NTNG2: variants seen among roughly 807,000 people sequenced by gnomAD.
The protein encoded by NTNG2 is netrin-G2.
Under a neutral mutation model 47.6 loss-of-function variants are expected in NTNG2, and 15 were observed. The observed-to-expected ratio is 0.32, with a 90% CI of 0.21 to 0.49. The LOEUF (loss-of-function observed/expected upper bound fraction) is 0.49, where lower values mean the gene tolerates loss of function less well. Among genes scored for constraint, NTNG2 ranks in the 20% least tolerant of loss-of-function variants. The pLI is 0.99. For synonymous variants in NTNG2, 307 were observed against 324.6 expected, an observed-to-expected ratio of 0.95 and a Z score of 0.58; for missense variants, 578 against 764.6, an observed-to-expected ratio of 0.76 and a Z score of 2.88.
intron 2 of NTNG2, among the ~76,000 whole-genome samples, chr9:132,173,242 G>A (rs1414557463): frequency 2.0e-5 from 3 of 152,340 alleles, no homozygotes; most frequent in African/African-American, 4.8e-5. Context: ...TGAAATGCCC[G>A]AGGCAGGGCC....
rs914965302 is a variant in NTNG2 at position 132,243,493 on chromosome 9, T to C, written c.*1382T>C. 2 of 152,230 alleles carry C rather than the reference T, an allele frequency of 1.3e-5. No individual in the cohort carries two copies. Among genetic ancestry groups the C allele is most frequent in the Non-Finnish European group, 2.9e-5 (2 of 68,142 alleles). The allele number at this position is 152,230 out of a possible 1,614,324, so 9.4% of individuals were successfully genotyped here. A position where few individuals can be genotyped will look rare whatever the true frequency, so the allele number is the denominator to read the frequency against. ...CCTCTGATTCAGAGGATCCAGCAGT[T>C]CTCCCATCTCCGCTTGGTGTCTCCA... On this transcript the variant is annotated 3_prime_UTR_variant, in exon 8 of 8. Coordinates refer to ENST00000393229, the MANE Select transcript of NTNG2 (RefSeq NM_032536.4).
chr9:132,200,779 T>C (rs1838687250), intron 3 of NTNG2, among the ~76,000 whole-genome samples: 1 of 152,206 alleles, frequency 6.6e-6, no homozygotes, highest in African/African-American at 2.4e-5. Context: ...CCGTGATCTC[T>C]AACCCACCTC....
Position 132,228,755 on chromosome 9 carries a change from G to T in NTNG2, c.1030+1734G>T, listed in dbSNP as rs533321200. Among the ~76,000 whole-genome samples the T allele has an allele frequency of 3.9e-5, 6 of 152,160 alleles. No homozygotes were observed. In the South Asian group the frequency reaches 1.2e-3, roughly 32 times the overall value. ...GTGTTTTTTTCAGAGAAAAGGTTTTGCCATGTTGCCCAGGCTGGTCTCGAG... is the reference window on the plus strand; with the variant it reads ...GTGTTTTTTTCAGAGAAAAGGTTTTTCCATGTTGCCCAGGCTGGTCTCGAG... On this transcript the variant is annotated intron_variant, in intron 4 of 7. Coordinates refer to ENST00000393229, the MANE Select transcript of NTNG2 (RefSeq NM_032536.4).
chr9:132,173,707 CA>C (rs1280404561), intron 2 of NTNG2, among the ~76,000 whole-genome samples: 2 of 151,548 alleles, frequency 1.3e-5, no homozygotes, highest in Non-Finnish European at 2.9e-5. Context: ...GATGGATGGA[CA>C]GACGGACAGA....
At chr9:132,204,094 C>T (rs1338313472) in intron 3 of NTNG2, among the ~76,000 whole-genome samples, 3 of 152,184 alleles carry the variant, frequency 2.0e-5, no homozygotes, top group Non-Finnish European at 4.4e-5. Flanking sequence ...CCATGGGTTA[C>T]GTGCCAGGCA....
At chr9:132,214,444 G>A (rs556782923) in intron 3 of NTNG2, among the ~76,000 whole-genome samples, 116 of 152,314 alleles carry the variant, frequency 7.6e-4, no homozygotes, top group African/African-American at 2.6e-3. Context: ...GGCCTGCCAC[G>A]TTTCCCAGAG....
At chr9:132,212,117 C>G (rs1839633889) in intron 3 of NTNG2, among the ~76,000 whole-genome samples, 1 of 152,210 alleles carries the variant, frequency 6.6e-6, no homozygotes, top group Admixed American at 6.5e-5. Context: ...ACCATCACAC[C>G]CTGCTCCTTC....
rs927264414 is a variant in NTNG2 at position 132,198,386 on chromosome 9, C to T, written c.634C>T (p.Arg212Cys). ...AGGCTCCAAGAAGGAGAAGCACGTG[C>T]GCTTCGAGGTGCGGGACCGCTTCGC... Reference protein sequence around the residue: ...WAGSKKEKHVRFEVRDRFAIF... With the variant: ...WAGSKKEKHVCFEVRDRFAIF... Residue 212 changes from arginine to cysteine, a missense_variant, in exon 3 of 8, where the codon CGC (arginine) becomes TGC (cysteine). Coordinates refer to ENST00000393229, the MANE Select transcript of NTNG2 (RefSeq NM_032536.4). 5 of 1,613,018 alleles carry T rather than the reference C, an allele frequency of 3.1e-6. No homozygotes were observed. The highest frequency in any genetic ancestry group is 1.1e-5 in the South Asian group (1 of 91,086).
chr9:132,189,422 A>G (rs1038254586), intron 2 of NTNG2, among the ~76,000 whole-genome samples: 2 of 151,398 alleles, frequency 1.3e-5, no homozygotes, highest in African/African-American at 2.4e-5. Flanking sequence ...AAAAAAAGGT[A>G]TCATCTCCTG....
chr9:132,198,078 G>A lies in NTNG2; in HGVS notation c.326G>A (p.Ser109Asn). The A allele has an allele frequency of 6.2e-7, 1 of 1,613,812 alleles. No homozygotes were observed. The highest frequency in any genetic ancestry group is 8.5e-7 in the Non-Finnish European group (1 of 1,180,000). Reference protein sequence around the residue: ...EEEGLATYWQSITWSRYPSPL... With the variant: ...EEEGLATYWQNITWSRYPSPL... ...GAGGGCCTGGCCACCTACTGGCAGA[G>A]CATCACCTGGAGCCGCTACCCCAGC... is the stretch of plus-strand genomic sequence containing the variant. The change falls in exon 3 of 8, where the codon AGC becomes AAC. Residue 109 changes from serine to asparagine, a missense_variant. Coordinates refer to ENST00000393229, the MANE Select transcript of NTNG2 (RefSeq NM_032536.4).
chr9:132,231,193 C>T lies in NTNG2; in HGVS notation c.1054+598C>T. 2 of 410,116 alleles carry T rather than the reference C, an allele frequency of 4.9e-6. No homozygotes were observed. 25.4% of individuals were successfully genotyped at this position (410,116 alleles called of 1,614,324 possible). A position where few individuals can be genotyped will look rare whatever the true frequency, so the allele number is the denominator to read the frequency against. On this transcript the variant is annotated intron_variant, in intron 5 of 7. Coordinates refer to ENST00000393229, the MANE Select transcript of NTNG2 (RefSeq NM_032536.4). The surrounding 1 kb of genome is among the most constrained non-coding windows in gnomAD (Gnocchi z 4.1). The stretch of plus-strand genomic sequence containing the variant: ...AGGAGGTGGGGGTCCTGAGAGTTCC[C>T]CAGGAGGGCGAGGGCGACATGGCGC...
At chr9:132,172,331 T>C (rs765821013) in intron 2 of NTNG2, among the ~76,000 whole-genome samples, 23 of 152,228 alleles carry the variant, frequency 1.5e-4, no homozygotes, top group Non-Finnish European at 4.4e-5. Flanking sequence ...GACTGGCCTA[T>C]CAGTGAAGAG....
chr9:132,239,378 A>G (rs2131042387), intron 6 of NTNG2, 107 bp downstream of exon 6: 1 of 1,080,476 alleles, frequency 9.3e-7, no homozygotes, highest in Non-Finnish European at 1.4e-6. Context: ...ACCTGGGGAG[A>G]CTGTGGGAAT....
chr9:132,182,572 C>T lies in NTNG2; in HGVS notation c.214-15394C>T, dbSNP rs984367792. 1.3e-5 allele frequency among the ~76,000 whole-genome samples: 2 copies of T among 152,200 alleles called. No homozygotes were observed. The highest frequency in any genetic ancestry group is 4.8e-5 in the African/African-American group (2 of 41,450). On this transcript the variant is annotated intron_variant, in intron 2 of 7. Transcript: ENST00000393229. The surrounding 1 kb of genome is among the most constrained non-coding windows in gnomAD (Gnocchi z 4.2). ...GGCAGCAGCCACGACCTTGGGTGGA[C>T]GCTGCGCCTCATCAGCCCTGACTAG...
chr9:132,229,196 C>G (rs1227848673), intron 4 of NTNG2, among the ~76,000 whole-genome samples: 1 of 152,112 alleles, frequency 6.6e-6, no homozygotes, highest in African/African-American at 2.4e-5. Flanking sequence ...CTGCTGTCCT[C>G]AGCACCCAAG....
rs186739195 is a variant in NTNG2, at chr9:132,184,690, G to A, written c.214-13276G>A. Reference sequence around the variant, plus strand: ...TGTAATCCCAGCACTTTGGGAGGCCGAGGCGGGTGGATCACCTGAGGTCAG... The same window carrying A: ...TGTAATCCCAGCACTTTGGGAGGCCAAGGCGGGTGGATCACCTGAGGTCAG... On this transcript the variant is annotated intron_variant, in intron 2 of 7. Transcript: ENST00000393229. 7.7e-3 allele frequency among the ~76,000 whole-genome samples: 1,173 copies of A among 152,282 alleles called. 18 individuals carry two copies. The highest frequency in any genetic ancestry group is 0.027 in the African/African-American group (1,125 of 41,556).
chr9:132,191,354 C>A (rs1048451402), intron 2 of NTNG2, among the ~76,000 whole-genome samples: 2 of 152,054 alleles, frequency 1.3e-5, no homozygotes, highest in East Asian at 1.9e-4. Flanking sequence ...TCAAAATAAT[C>A]GCTCCCATTT....
chr9:132,227,375 G>A (rs1056666098), intron 4 of NTNG2, among the ~76,000 whole-genome samples: 4 of 152,188 alleles, frequency 2.6e-5, no homozygotes, highest in Admixed American at 1.3e-4. Flanking sequence ...AGGGAAACCC[G>A]AGAGGAGCTG....
At chr9:132,169,688 A>G (rs1835750216) in intron 2 of NTNG2, among the ~76,000 whole-genome samples, 1 of 152,232 alleles carries the variant, frequency 6.6e-6, no homozygotes, top group African/African-American at 2.4e-5. Flanking sequence ...AGTAGAAACC[A>G]TAATGTAGGA....
Sources: allele counts gnomAD v4.1 joint callset (sites outside exome capture counted in the v4.1 genomes callset), GRCh38; gene constraint gnomAD v4.1.1; non-coding constraint Gnocchi (gnomAD v3.1); transcripts MANE v1.5; gene names NCBI Gene and HGNC (gene_info 2026-07-23, HGNC 2026-07-21).